PCBP4: variants seen among roughly 807,000 people sequenced by gnomAD.
PCBP4 encodes the protein poly(rC) binding protein 4, also known as poly(rC)-binding protein 4.
A neutral mutation model predicts 46.2 loss-of-function variants in PCBP4; 24 were observed. The ratio of observed to expected loss-of-function variants is 0.52; its 90% confidence interval spans 0.38 to 0.73. PCBP4 has a LOEUF of 0.73. Ranked by LOEUF, PCBP4 falls within the 30% of genes least tolerant of loss-of-function variation. The pLI, the probability that PCBP4 is intolerant of heterozygous loss-of-function variation, is 0.00. For missense variants in PCBP4, 407 were observed against 537.0 expected (o/e 0.76, Z 2.39); for synonymous variants, 203 against 224.4 (o/e 0.90, Z 0.85).
chr3:51,961,469 A>G (rs1398135952), intron 2 of PCBP4, 165 bp from the exon 3 acceptor site: 8 of 833,648 alleles, frequency 9.6e-6, no homozygotes, highest in Admixed American at 5.9e-5. Flanking sequence ...TGTGTGTCTC[A>G]CGAGCTGTGT....
At position 51,959,806 on chromosome 3, in the gene PCBP4, C is replaced by A; in HGVS notation, c.516+89G>T. ...TCCCTGCAGCCCTGCCCTGCCCCACCTGCAGCACAGGCATAGGGTTTGGGG... is the reference window on the plus strand; with the variant it reads ...TCCCTGCAGCCCTGCCCTGCCCCACATGCAGCACAGGCATAGGGTTTGGGG... On this transcript the variant is annotated intron_variant, in intron 8 of 13. Transcript: ENST00000461554. This position sits in a 1 kb window ranked among gnomAD's most constrained non-coding sequence, Gnocchi z 5.6. 6.5e-7 allele frequency: 1 copy of A among 1,533,286 alleles called. No individual in the cohort carries two copies. The allele number at this position is 1,533,286 out of a possible 1,614,324, so 95.0% of individuals were successfully genotyped here.
In PCBP4 at chr3:51,959,460, C is replaced by T; in HGVS notation, c.592-49G>A. ...AGGGGGTTACTGTGACATTGCAGTT[C>T]AGCCAGAGTCACTCCTTCCCCCGTC... On this transcript the variant is annotated intron_variant, in intron 9 of 13. Transcript: ENST00000461554. This position sits in a 1 kb window ranked among gnomAD's most constrained non-coding sequence, Gnocchi z 5.6. 1.3e-6 allele frequency: 2 copies of T among 1,555,658 alleles called. No individual in the cohort carries two copies. Among genetic ancestry groups the T allele is most frequent in the Non-Finnish European group, 1.7e-6 (2 of 1,146,266 alleles).
rs777401988 is a variant in PCBP4, at chr3:51,959,186, T to A, written c.700+43A>T. ...CTCCCTGGAAGGGAGGGGGCTGCCC[T>A]CTTAGGACCCTCCCCCTGCCTCCTT... is the stretch of plus-strand genomic sequence containing the variant. On this transcript the variant is annotated intron_variant, in intron 11 of 13. Transcript: ENST00000461554. This position sits in a 1 kb window ranked among gnomAD's most constrained non-coding sequence, Gnocchi z 5.6. 2 of 1,612,850 alleles carry A rather than the reference T, an allele frequency of 1.2e-6. No individual in the cohort carries two copies.
In PCBP4 at chr3:51,961,198, T is replaced by C; in HGVS notation, c.43A>G (p.Ser15Gly). The C allele has an allele frequency of 6.2e-7, 1 of 1,613,444 alleles. No individual in the cohort carries two copies. The highest frequency in any genetic ancestry group is 8.5e-7 in the Non-Finnish European group (1 of 1,180,008). The change falls in exon 3 of 14, where the codon AGC (serine) becomes GGC (glycine). Residue 15 changes from serine to glycine, a missense_variant. Ser to Gly is a moderately conservative substitution (Grantham distance 56). Coordinates refer to ENST00000461554, the MANE Select transcript of PCBP4 (RefSeq NM_001174100.2). ...AGCATCCGCAGCGTGAGGGTGATGC[T>C]GAGCTCTGGCTCCTCCTCCAGTCCC... ...DGGLEEEPEL[S>G]ITLTLRMLMH... is the part of the protein sequence containing the mutation.
intron 2 of PCBP4, chr3:51,961,535 G>T: frequency 1.9e-6 from 1 of 526,544 alleles, no homozygotes; most frequent in Non-Finnish European, 3.2e-6. Flanking sequence ...CTGTAGAAGG[G>T]GATACAAATT....
Position 51,960,347 on chromosome 3 carries a change from C to A in PCBP4, c.256-27G>T. The A allele has an allele frequency of 6.2e-7, 1 of 1,608,154 alleles. No individual in the cohort carries two copies. Among genetic ancestry groups the A allele is most frequent in the Non-Finnish European group, 8.5e-7 (1 of 1,176,610 alleles). On this transcript the variant is annotated intron_variant, in intron 6 of 13. Transcript: ENST00000461554. This position sits in a 1 kb window ranked among gnomAD's most constrained non-coding sequence, Gnocchi z 5.0. ...TGGGACAGGGAGACGGTGGGTTGGCCATGCTCGTCCCTGCTATATCTGCCC... is the reference window on the plus strand; with the variant it reads ...TGGGACAGGGAGACGGTGGGTTGGCAATGCTCGTCCCTGCTATATCTGCCC...
At chr3:51,961,441 C>T in intron 2 of PCBP4, 137 bp from the exon 3 acceptor site, 1 of 1,041,084 alleles carries the variant, frequency 9.6e-7, no homozygotes, top group Non-Finnish European at 1.4e-6. Flanking sequence ...CCACACATCA[C>T]TCTGACCAGG....
At chr3:51,961,741 A>ACCG in intron 2 of PCBP4, 200 bp downstream of exon 2, 2 of 992,944 alleles carry the variant, frequency 2.0e-6, no homozygotes, top group South Asian at 4.6e-5. Context: ...TTCAGGCTGA[A>ACCG]AGCTTACTCC....
At chr3:51,963,529 C>G (rs529979314) in intron 1 of PCBP4, among the ~76,000 whole-genome samples, 28 of 152,300 alleles carry the variant, frequency 1.8e-4, no homozygotes, top group African/African-American at 5.5e-4. Context: ...GGGATGGTAA[C>G]CAGTGGGAGA....
At position 51,959,622 on chromosome 3, in the gene PCBP4, G is replaced by A; in HGVS notation, c.546C>T (p.Tyr182=). The A allele has an allele frequency of 1.3e-6, 2 of 1,552,056 alleles. No individual in the cohort carries two copies. Among genetic ancestry groups the A allele is most frequent in the Non-Finnish European group, 1.7e-6 (2 of 1,147,150 alleles). The change falls in exon 9 of 14, where the codon TAC becomes TAT. Residue 182 remains tyrosine, a synonymous_variant. Coordinates refer to ENST00000461554, the MANE Select transcript of PCBP4 (RefSeq NM_001174100.2). This position sits in a 1 kb window ranked among gnomAD's most constrained non-coding sequence, Gnocchi z 5.6. ...ESPPKGATIP[Y]HPSLSLGTVL... Reference sequence around the variant, plus strand: ...CAGTACCTAGGGAGAGGCTCGGATGGTAGGGGATAGTGGCTCCTTTGGGTG... The same window carrying A: ...CAGTACCTAGGGAGAGGCTCGGATGATAGGGGATAGTGGCTCCTTTGGGTG...
chr3:51,960,769 T>C lies in PCBP4; in HGVS notation c.138+97A>G. On this transcript the variant is annotated intron_variant, in intron 5 of 13. Coordinates refer to ENST00000461554, the MANE Select transcript of PCBP4 (RefSeq NM_001174100.2). This position sits in a 1 kb window ranked among gnomAD's most constrained non-coding sequence, Gnocchi z 5.0. ...AACTGCCACCCTCTGGGGGACTCAC[T>C]GGTCAGCCCAGAAGGAGTGGTTCAG... 2.0e-6 allele frequency: 3 copies of C among 1,507,148 alleles called. No homozygotes were observed. Among genetic ancestry groups the C allele is most frequent in the Non-Finnish European group, 2.8e-6 (3 of 1,083,114 alleles). The allele number at this position is 1,507,148 out of a possible 1,614,324, so 93.4% of individuals were successfully genotyped here. A position where few individuals can be genotyped will look rare whatever the true frequency, so the allele number is the denominator to read the frequency against.
intron 1 of PCBP4, among the ~76,000 whole-genome samples, chr3:51,964,533 C>A (rs943217734): frequency 6.6e-6 from 1 of 151,612 alleles, no homozygotes; most frequent in African/African-American, 2.4e-5. Context: ...CCTCTCAGCA[C>A]CCCCAGCTCC....
rs145742906 is a variant in PCBP4 at position 51,960,661 on chromosome 3, C to T, written c.139-19G>A. The T allele has an allele frequency of 1.3e-5, 21 of 1,588,390 alleles. No homozygotes were observed. The highest frequency in any genetic ancestry group is 1.7e-5 in the Non-Finnish European group (20 of 1,156,676). On this transcript the variant is annotated intron_variant, in intron 5 of 13. Coordinates refer to ENST00000461554, the MANE Select transcript of PCBP4 (RefSeq NM_001174100.2). This position sits in a 1 kb window ranked among gnomAD's most constrained non-coding sequence, Gnocchi z 5.0. ...CACTGCTCTGCAGATATAGAATGAG[C>T]GCCGGGCAGCGGGGCATCTTCCCTG...
rs1700050333 is a variant in PCBP4 at position 51,959,740 on chromosome 3, C to A, written c.517-89G>T. ...CAGTGGCCTCAGGCCCCCACCATGA[C>A]CCCCAGGGAAATGCACATGATCCCT... On this transcript the variant is annotated intron_variant, in intron 8 of 13. Transcript: ENST00000461554. This position sits in a 1 kb window ranked among gnomAD's most constrained non-coding sequence, Gnocchi z 5.6. 3 of 1,456,436 alleles carry A rather than the reference C, an allele frequency of 2.1e-6. No individual in the cohort carries two copies. The highest frequency in any genetic ancestry group is 2.8e-6 in the Non-Finnish European group (3 of 1,068,100). The allele number at this position is 1,456,436 out of a possible 1,614,324, so 90.2% of individuals were successfully genotyped here.
chr3:51,960,632 C>T lies in PCBP4; in HGVS notation c.149G>A (p.Arg50Gln), dbSNP rs758263949. ...GCAGGAGCCCTCGGAGATGGTGATC[C>T]GGGCACTGCTCTGCAGATATAGAAT... ...VKRIREQSSARITISEGSCPE... is the reference protein window; with the variant it reads ...VKRIREQSSAQITISEGSCPE... The change falls in exon 6 of 14, where the codon CGG (arginine) becomes CAG (glutamine). Residue 50 changes from arginine to glutamine, a missense_variant. Coordinates refer to ENST00000461554, the MANE Select transcript of PCBP4 (RefSeq NM_001174100.2). This position sits in a 1 kb window ranked among gnomAD's most constrained non-coding sequence, Gnocchi z 5.0. 4.3e-6 allele frequency: 7 copies of T among 1,613,136 alleles called. No individual in the cohort carries two copies. Among genetic ancestry groups the T allele is most frequent in the South Asian group, 2.2e-5 (2 of 91,068 alleles).
chr3:51,958,109 T>C lies in PCBP4; in HGVS notation c.1164A>G (p.Ala388=), dbSNP rs1699908234. 1.3e-6 allele frequency: 2 copies of C among 1,595,332 alleles called. No homozygotes were observed. Among genetic ancestry groups the C allele is most frequent in the African/African-American group, 1.3e-5 (1 of 74,096 alleles). Residue 388 remains alanine, a synonymous_variant, in exon 14 of 14, where the codon GCA becomes GCG. Coordinates refer to ENST00000461554, the MANE Select transcript of PCBP4 (RefSeq NM_001174100.2). This position sits in a 1 kb window ranked among gnomAD's most constrained non-coding sequence, Gnocchi z 5.4. ...GLAAYTAKMA[A]ANGSKKAERQ... Reference sequence around the variant, plus strand: ...GCTCAGCCTTCTTGCTCCCATTAGCTGCTGCCATCTTGGCAGTGTAGGCCG... The same window carrying C: ...GCTCAGCCTTCTTGCTCCCATTAGCCGCTGCCATCTTGGCAGTGTAGGCCG...
At position 51,959,264 on chromosome 3, in the gene PCBP4, T is replaced by G. The variant is rs756156584; in HGVS notation, c.665A>C (p.His222Pro). The G allele has an allele frequency of 6.2e-7, 1 of 1,613,986 alleles. No homozygotes were observed. The highest frequency in any genetic ancestry group is 1.1e-5 in the South Asian group (1 of 91,076). ...GCTGGGTGTGGCAAAGGGGACCGCA[T>G]GGCTTGAGAGCTGCTGGAGCTTGGT... ...EVTKLQQLSS[H>P]AVPFATPSVV... is the part of the protein sequence containing the mutation. Residue 222 changes from histidine to proline, a missense_variant, in exon 11 of 14, where the codon CAT (histidine) becomes CCT (proline). Physicochemically the swap from His to Pro is moderately conservative, Grantham distance 77. Coordinates refer to ENST00000461554, the MANE Select transcript of PCBP4 (RefSeq NM_001174100.2). The surrounding 1 kb of genome is among the most constrained non-coding windows in gnomAD (Gnocchi z 5.6).
intron 1 of PCBP4, among the ~76,000 whole-genome samples, chr3:51,966,558 C>T (rs1559766937): frequency 2.0e-5 from 3 of 152,104 alleles, no homozygotes; most frequent in African/African-American, 7.2e-5. Context: ...CCTGGGGACA[C>T]ATGTCCTGCT....
In PCBP4 at chr3:51,960,375, G is replaced by C; in HGVS notation, c.256-55C>G. ...GCTCGTCCCTGCTATATCTGCCCAG[G>C]GGTCAGGAGGGTACCCTTTCCCCAG... On this transcript the variant is annotated intron_variant, in intron 6 of 13. Transcript: ENST00000461554. This position sits in a 1 kb window ranked among gnomAD's most constrained non-coding sequence, Gnocchi z 5.0. The C allele has an allele frequency of 2.5e-6, 4 of 1,591,170 alleles. No individual in the cohort carries two copies. The highest frequency in any genetic ancestry group is 3.4e-6 in the Non-Finnish European group (4 of 1,167,264).
Sources: gnomAD v4.1 joint callset for allele counts (sites outside exome capture counted in the v4.1 genomes callset) on GRCh38, gnomAD v4.1.1 for gene constraint, Gnocchi (gnomAD v3.1) non-coding constraint, MANE v1.5 for transcripts, NCBI Gene and HGNC (gene_info 2026-07-23, HGNC 2026-07-21) for gene names.